The following CENPK variants were observed in gnomAD, a reference collection of about 807,000 sequenced individuals.
The protein encoded by CENPK is centromere protein K, also known as SoxLZ/Sox6-binding protein Solt.
A neutral mutation model predicts 40.9 loss-of-function variants in CENPK; 46 were observed. The observed-to-expected ratio is 1.13, with a 90% CI of 0.89 to 1.44. CENPK has a LOEUF of 1.44. CENPK is among the 40% of genes most tolerant of loss of function. The pLI is 0.00. For synonymous variants in CENPK, 107 were observed against 104.4 expected (o/e 1.02, Z -0.15); for missense variants, 288 against 303.5 (o/e 0.95, Z 0.38).
intron 5 of CENPK, chr5:65,550,608 C>T (rs554304755): frequency 6.6e-6 from 1 of 152,120 alleles, no homozygotes; most frequent in South Asian, 2.1e-4. Flanking sequence ...ACTTAAAAGT[C>T]TAAAATACTG....
At chr5:65,553,453 C>T (rs530836069) in intron 3 of CENPK, among the ~76,000 whole-genome samples, 8 of 144,504 alleles carry the variant, frequency 5.5e-5, no homozygotes, top group South Asian at 2.3e-4. Flanking sequence ...GACAAGCTTG[C>T]CTTAAGTAGA....
chr5:65,551,470 G>T, intron 5 of CENPK, 94 bp downstream of exon 5: 1 of 689,508 alleles, frequency 1.5e-6, no homozygotes, highest in South Asian at 2.5e-5. Flanking sequence ...ATTTCAAAAA[G>T]GCCAAATGGA....
chr5:65,529,285 G>C (rs993396815), intron 6 of CENPK, 86 bp from the exon 7 acceptor site: 1 of 840,110 alleles, frequency 1.2e-6, no homozygotes, highest in African/African-American at 1.7e-5. Context: ...CAGTGGTCCA[G>C]GATACTTCCA....
chr5:65,562,367 G>T (rs1275106601), intron 1 of CENPK, among the ~76,000 whole-genome samples: 1 of 152,120 alleles, frequency 6.6e-6, no homozygotes, highest in East Asian at 1.9e-4. Flanking sequence ...GACTTGCTAG[G>T]TAGAATGGTC....
rs550458422 is a variant in CENPK at position 65,524,058 on chromosome 5, A to T, written c.598-2530T>A. ...CTTGTCAAAGAAACTCATCAAACCA[A>T]GCGAAGGATTAAACTTAACAACTCT... On this transcript the variant is annotated intron_variant, in intron 9 of 10. Coordinates refer to ENST00000396679, the MANE Select transcript of CENPK (RefSeq NM_022145.5). Among the ~76,000 whole-genome samples the T allele has an allele frequency of 3.1e-4, 47 of 152,250 alleles. 1 individual carries two copies. Among genetic ancestry groups the T allele is most frequent in the African/African-American group, 1.1e-3 (47 of 41,562 alleles).
chr5:65,518,686 G>T, intron 10 of CENPK, 53 bp from the exon 11 acceptor site: 2 of 1,222,914 alleles, frequency 1.6e-6, no homozygotes, highest in South Asian at 1.4e-5. Context: ...AGTCAATATA[G>T]CTATAAGAAA....
At chr5:65,530,874 C>T (rs1234168272) in intron 6 of CENPK, among the ~76,000 whole-genome samples, 1 of 152,142 alleles carries the variant, frequency 6.6e-6, no homozygotes, top group African/African-American at 2.4e-5. Context: ...CATACCACTG[C>T]ATGCCAGCCT....
chr5:65,506,792 A>G, the CENPK span, among the ~76,000 whole-genome samples: 8 of 152,322 alleles, frequency 5.3e-5, no homozygotes, highest in East Asian at 1.4e-3. Context: ...CTCAAAAAAA[A>G]AAAAAGTCTT....
intron 6 of CENPK, 145 bp downstream of exon 6, chr5:65,542,657 T>C: frequency 3.4e-6 from 2 of 583,042 alleles, no homozygotes; most frequent in Non-Finnish European, 5.6e-6. Context: ...AAATCAAATA[T>C]TATGTTCAAT....
chr5:65,514,887 G>T (rs1379796898), downstream of CENPK, among the ~76,000 whole-genome samples: 1 of 152,092 alleles, frequency 6.6e-6, no homozygotes, highest in Non-Finnish European at 1.5e-5. Flanking sequence ...ATGTCCTAAT[G>T]TTCACAAGAA....
At chr5:65,514,292 C>A (rs1460889527), downstream of CENPK, among the ~76,000 whole-genome samples, 3 of 100,780 alleles carry the variant, frequency 3.0e-5, no homozygotes, top group Admixed American at 1.5e-4. Context: ...GAGACGTAGT[C>A]TCACTTTGTC....
intron 9 of CENPK, chr5:65,524,671 A>G: frequency 6.5e-6 from 1 of 154,392 alleles, no homozygotes; most frequent in Non-Finnish European, 1.5e-5. Flanking sequence ...ACACAGGGAG[A>G]CTCCATCTCA....
At chr5:65,537,405 C>T (rs1034320487) in intron 6 of CENPK, among the ~76,000 whole-genome samples, 16 of 152,240 alleles carry the variant, frequency 1.1e-4, no homozygotes, top group African/African-American at 3.9e-4. Flanking sequence ...CCCGGGTTCA[C>T]GCCATTCTCC....
intron 6 of CENPK, among the ~76,000 whole-genome samples, chr5:65,538,313 G>C (rs921140438): frequency 1.3e-5 from 2 of 152,040 alleles, no homozygotes; most frequent in African/African-American, 4.8e-5. Context: ...TCCTTGTCTG[G>C]ACATTCCTAT....
intron 6 of CENPK, among the ~76,000 whole-genome samples, chr5:65,539,679 CTG>C (rs1554110814): frequency 1.3e-5 from 2 of 152,070 alleles, no homozygotes; most frequent in Admixed American, 1.3e-4. Flanking sequence ...TAGCAGCTCT[CTG>C]TCTGTGCTTC....
At chr5:65,530,842 G>A (rs559254435) in intron 6 of CENPK, among the ~76,000 whole-genome samples, 68 of 152,014 alleles carry the variant, frequency 4.5e-4, no homozygotes, top group Non-Finnish European at 6.6e-4. Flanking sequence ...GCCAGGAGGC[G>A]GAGGCTGCAG....
downstream of CENPK, among the ~76,000 whole-genome samples, chr5:65,513,215 T>C (rs1742640544): frequency 6.6e-6 from 1 of 152,190 alleles, no homozygotes; most frequent in Admixed American, 6.5e-5. Flanking sequence ...GCTTTTGGTG[T>C]TGTAGCTAAA....
chr5:65,510,533 G>C, the CENPK span, among the ~76,000 whole-genome samples: 2 of 152,132 alleles, frequency 1.3e-5, no homozygotes, highest in Non-Finnish European at 2.9e-5. Context: ...CCAGCACTTT[G>C]GGAGGCCGAG....
Position 65,518,407 on chromosome 5 carries a change from A to G in CENPK, c.*68T>C, listed in dbSNP as rs904709766. ...TTTGCAAATAATGTTTTTTATCCAA[A>G]TAGTCCTGTGGTTCCAATATCCTTG... On this transcript the variant is annotated 3_prime_UTR_variant, in exon 11 of 11. Coordinates refer to ENST00000396679, the MANE Select transcript of CENPK (RefSeq NM_022145.5). 9.5e-6 allele frequency: 14 copies of G among 1,480,852 alleles called. No individual in the cohort carries two copies. Among genetic ancestry groups the G allele is most frequent in the African/African-American group, 7.1e-5 (5 of 70,192 alleles). 91.7% of individuals were successfully genotyped at this position (1,480,852 alleles called of 1,614,324 possible).
Sources: gnomAD v4.1 joint callset for allele counts (sites outside exome capture counted in the v4.1 genomes callset) on GRCh38, gnomAD v4.1.1 for gene constraint, MANE v1.5 for transcripts, NCBI Gene and HGNC (gene_info 2026-07-23, HGNC 2026-07-21) for gene names.